The following LRRC3B variants were observed in gnomAD, a reference collection of about 807,000 sequenced individuals.
The protein encoded by LRRC3B is leucine rich repeat containing 3B.
In LRRC3B, 2 loss-of-function variants were observed where a neutral mutation model predicts 12.8. That is an observed-to-expected ratio of 0.16 (90% CI 0.06 to 0.49). The LOEUF (loss-of-function observed/expected upper bound fraction) is 0.49. Ranked by LOEUF, LRRC3B falls within the 20% of genes least tolerant of loss-of-function variation. LRRC3B has a pLI of 0.96. For synonymous variants in LRRC3B, 132 were observed against 122.0 expected (o/e 1.08, Z -0.54); for missense variants, 189 against 319.4 (o/e 0.59, Z 3.11).
chr3:26,630,960 A>C (rs1382228912), intron 1 of LRRC3B, among the ~76,000 whole-genome samples: 4 of 152,148 alleles, frequency 2.6e-5, no homozygotes, highest in African/African-American at 9.7e-5. Flanking sequence ...GGGATCTTCT[A>C]GCTGTGTTAG....
At chr3:26,684,653 T>A (rs898533872) in intron 1 of LRRC3B, among the ~76,000 whole-genome samples, 1 of 152,152 alleles carries the variant, frequency 6.6e-6, no homozygotes, top group African/African-American at 2.4e-5. Context: ...GGGCCAAACT[T>A]GTCCTTTTTT....
intron 1 of LRRC3B, among the ~76,000 whole-genome samples, chr3:26,660,065 C>T (rs777208749): frequency 3.9e-5 from 6 of 152,004 alleles, no homozygotes; most frequent in Admixed American, 1.3e-4. Context: ...TTTCTCCCTC[C>T]GAGTTTTAGT....
At chr3:26,632,659 T>C (rs1322031015) in intron 1 of LRRC3B, among the ~76,000 whole-genome samples, 62 of 152,054 alleles carry the variant, frequency 4.1e-4, no homozygotes, top group Non-Finnish European at 1.5e-5. Flanking sequence ...AAGGGCAGGA[T>C]TTATAGTAAG....
chr3:26,645,592 C>G (rs1252762204), intron 1 of LRRC3B, among the ~76,000 whole-genome samples: 2 of 151,874 alleles, frequency 1.3e-5, no homozygotes, highest in African/African-American at 4.8e-5. Context: ...AATTTTCATT[C>G]AATAAATATT....
intron 1 of LRRC3B, among the ~76,000 whole-genome samples, chr3:26,664,762 G>A (rs1232455414): frequency 6.6e-6 from 1 of 152,044 alleles, no homozygotes; most frequent in African/African-American, 2.4e-5. Context: ...TTCCCACAAG[G>A]GGTGAGGCAG....
chr3:26,704,233 C>T (rs1384413764), intron 1 of LRRC3B, among the ~76,000 whole-genome samples: 2 of 151,856 alleles, frequency 1.3e-5, no homozygotes, highest in Non-Finnish European at 2.9e-5. Flanking sequence ...TTTTGAGCTG[C>T]TCTTTAGGGT....
intron 1 of LRRC3B, among the ~76,000 whole-genome samples, chr3:26,689,695 C>T (rs1240975316): frequency 6.6e-6 from 1 of 152,172 alleles, no homozygotes. Flanking sequence ...GTGGCCCACC[C>T]CCAGGACTTT....
intron 1 of LRRC3B, among the ~76,000 whole-genome samples, chr3:26,643,223 G>A (rs1699068378): frequency 6.6e-6 from 1 of 151,474 alleles, no homozygotes; most frequent in Non-Finnish European, 1.5e-5. Context: ...ATCCAGAATG[G>A]TGATGTGGTT....
chr3:26,671,879 C>G (rs1302921868), intron 1 of LRRC3B, among the ~76,000 whole-genome samples: 1 of 152,164 alleles, frequency 6.6e-6, no homozygotes, highest in Non-Finnish European at 1.5e-5. Flanking sequence ...AGGTTGCCAT[C>G]CTTCCTTGAC....
At position 26,703,286 on chromosome 3, in the gene LRRC3B, G is replaced by T. The variant is rs535217277; in HGVS notation, c.-160-6227G>T. 7.9e-5 allele frequency among the ~76,000 whole-genome samples: 12 copies of T among 152,138 alleles called. 1 individual carries two copies. The South Asian group carries it at 2.5e-3, about 32-fold the overall frequency. Reference sequence around the variant, plus strand: ...CAATAAGACTAATTTTGGGAATATTGCATTAAAGATATCAAGTACTCAAAC... The same window carrying T: ...CAATAAGACTAATTTTGGGAATATTTCATTAAAGATATCAAGTACTCAAAC... On this transcript the variant is annotated intron_variant, in intron 1 of 1. Coordinates refer to ENST00000396641, the Ensembl canonical transcript of LRRC3B.
At chr3:26,710,746 A>G (rs1132041) in exon 2 of LRRC3B, 28,451 of 225,792 alleles carry the variant, frequency 0.13, 2,133 homozygotes, top group East Asian at 0.21. Flanking sequence ...ATTTAAAAGC[A>G]AATAAAAGCT....
Position 26,710,514 on chromosome 3 carries a change from T to A in LRRC3B, c.*62T>A, listed in dbSNP as rs560606548. 1,408 of 1,456,858 alleles carry A rather than the reference T, an allele frequency of 9.7e-4. 2 individuals are homozygous for A. The highest frequency in any genetic ancestry group is 1.2e-3 in the Non-Finnish European group (1,300 of 1,084,538). 90.2% of individuals were successfully genotyped at this position (1,456,858 alleles called of 1,614,324 possible). A position where few individuals can be genotyped will look rare whatever the true frequency, so the allele number is the denominator to read the frequency against. Reference sequence around the variant, plus strand: ...AGTTTGCGATTGCAGTAGAAATAAGTGGTTTACTTCTCCCATCCATTGTAA... The same window carrying A: ...AGTTTGCGATTGCAGTAGAAATAAGAGGTTTACTTCTCCCATCCATTGTAA... On this transcript the variant is annotated 3_prime_UTR_variant, in exon 2 of 2. Coordinates refer to ENST00000396641, the Ensembl canonical transcript of LRRC3B.
At chr3:26,638,233 A>G (rs1437074542) in intron 1 of LRRC3B, among the ~76,000 whole-genome samples, 3 of 152,186 alleles carry the variant, frequency 2.0e-5, no homozygotes, top group African/African-American at 7.2e-5. Context: ...GAAATTAACT[A>G]TCATGACTTT....
At chr3:26,651,788 C>T (rs940212827) in intron 1 of LRRC3B, among the ~76,000 whole-genome samples, 2 of 152,170 alleles carry the variant, frequency 1.3e-5, no homozygotes, top group African/African-American at 4.8e-5. Flanking sequence ...GCAATTGCCT[C>T]AACTTTCCTA....
chr3:26,629,998 C>T (rs1200382632), intron 1 of LRRC3B, among the ~76,000 whole-genome samples: 1 of 146,026 alleles, frequency 6.8e-6, no homozygotes, highest in African/African-American at 2.5e-5. Flanking sequence ...AAAATCTATC[C>T]AAAGGAAGAG....
At chr3:26,701,001 G>C (rs558005784) in intron 1 of LRRC3B, among the ~76,000 whole-genome samples, 1 of 151,966 alleles carries the variant, frequency 6.6e-6, no homozygotes, top group South Asian at 2.1e-4. Context: ...CTATCCTCTT[G>C]ATCATTCTCT....
intron 1 of LRRC3B, among the ~76,000 whole-genome samples, chr3:26,672,842 A>C (rs1299681813): frequency 6.6e-6 from 1 of 152,196 alleles, no homozygotes; most frequent in Non-Finnish European, 1.5e-5. Flanking sequence ...AAACAACTCC[A>C]TAGTACGCTT....
At chr3:26,673,847 C>T (rs2125435009) in intron 1 of LRRC3B, among the ~76,000 whole-genome samples, 1 of 152,314 alleles carries the variant, frequency 6.6e-6, no homozygotes, top group East Asian at 1.9e-4. Context: ...GTGAATGACA[C>T]TCACCCTGTC....
intron 1 of LRRC3B, among the ~76,000 whole-genome samples, chr3:26,626,564 T>C (rs1250138775): frequency 6.6e-6 from 1 of 152,222 alleles, no homozygotes; most frequent in African/African-American, 2.4e-5. Flanking sequence ...GGTACCATTA[T>C]ACATAAATAA....
Sources: allele counts gnomAD v4.1 joint callset (sites outside exome capture counted in the v4.1 genomes callset), GRCh38; gene constraint gnomAD v4.1.1; transcripts MANE v1.5; gene names NCBI Gene and HGNC (gene_info 2026-07-23, HGNC 2026-07-21).